The following HCK variants were observed in gnomAD, a reference collection of about 807,000 sequenced individuals.
HCK encodes tyrosine-protein kinase HCK.
In HCK, 40 loss-of-function variants were observed where a neutral mutation model predicts 70.4. The ratio of observed to expected loss-of-function variants is 0.57; its 90% CI spans 0.44 to 0.74. The LOEUF (loss-of-function observed/expected upper bound fraction) is 0.74. Ranked by LOEUF, HCK falls within the 30% of genes least tolerant of loss-of-function variation. HCK has a pLI of 0.00. For missense variants in HCK, 568 were observed against 697.2 expected, an observed-to-expected ratio of 0.81 and a Z score of 2.09; for synonymous variants, 245 against 263.2, an observed-to-expected ratio of 0.93 and a Z score of 0.67.
At chr20:32,053,351 G>C (rs561942274) in intron 1 of HCK, among the ~76,000 whole-genome samples, 1 of 152,004 alleles carries the variant, frequency 6.6e-6, no homozygotes, top group Non-Finnish European at 1.5e-5. Flanking sequence ...ATTGGGTACT[G>C]AAGGGGCCGG....
At chr20:32,061,768 C>T (rs971615973) in intron 1 of HCK, among the ~76,000 whole-genome samples, 1 of 151,904 alleles carries the variant, frequency 6.6e-6, no homozygotes, top group Non-Finnish European at 1.5e-5. Context: ...AAGGAGGGCT[C>T]CAGTGGAATG....
rs183465478 is a variant in HCK, at chr20:32,086,861, G to A, written c.1015+54G>A. ...GCTGTGGCCTATACTGGTCAATTGC[G>A]GGCCCAAGGGTGGCTTGGACATGGT... On this transcript the variant is annotated intron_variant, in intron 9 of 12. Coordinates refer to ENST00000375852, the MANE Select transcript of HCK (RefSeq NM_002110.5). The A allele has an allele frequency of 5.9e-4, 864 of 1,466,130 alleles. 8 individuals carry two copies. The Admixed American group carries it at 0.01, about 17-fold the overall frequency. 90.8% of individuals were successfully genotyped at this position (1,466,130 alleles called of 1,614,324 possible).
At position 32,086,649 on chromosome 20, in the gene HCK, A is replaced by T; in HGVS notation, c.857A>T (p.Lys286Met). Reference sequence around the variant, plus strand: ...CCAGCCACCTACAACAAGCACACCAAGGTGGCAGTGAAGACGATGAAGCCA... The same window carrying T: ...CCAGCCACCTACAACAAGCACACCATGGTGGCAGTGAAGACGATGAAGCCA... The change falls in exon 9 of 13, where the codon AAG becomes ATG. Residue 286 changes from lysine to methionine, a missense_variant. Around this residue, in one of 4 missense-constraint regions of HCK, gnomAD observed 160 missense variants for 237.5 expected, o/e 0.67. Transcript: ENST00000375852. 1.9e-6 allele frequency: 3 copies of T among 1,612,422 alleles called. No homozygotes were observed. The highest frequency in any genetic ancestry group is 2.5e-6 in the Non-Finnish European group (3 of 1,179,280).
intron 1 of HCK, among the ~76,000 whole-genome samples, chr20:32,059,009 G>T (rs1216076745): frequency 6.6e-6 from 1 of 152,214 alleles, no homozygotes; most frequent in Non-Finnish European, 1.5e-5. Context: ...GGCAGAGCAG[G>T]CACCAATAGC....
At chr20:32,073,908 T>C (rs2045583145) in intron 4 of HCK, 90 bp downstream of exon 4, 1 of 728,818 alleles carries the variant, frequency 1.4e-6, no homozygotes, top group Admixed American at 2.1e-5. Flanking sequence ...ACCTGATAGA[T>C]GGGCTATCTT....
chr20:32,086,732 C>A lies in HCK; in HGVS notation c.940C>A (p.His314Asn). 4 of 1,610,492 alleles carry A rather than the reference C, an allele frequency of 2.5e-6. No individual in the cohort carries two copies. The highest frequency in any genetic ancestry group is 3.4e-6 in the Non-Finnish European group (4 of 1,178,354). Residue 314 changes from histidine (H) to asparagine (N), a missense_variant, in exon 9 of 13, where the codon CAT becomes AAT. By Grantham distance (68) the His-to-Asn change is moderately conservative (BLOSUM62 1). Around this residue, in one of 4 missense-constraint regions of HCK, gnomAD observed 160 missense variants for 237.5 expected, o/e 0.67. Transcript: ENST00000375852. ...GGCCAACGTGATGAAAACTCTGCAGCATGACAAGCTGGTCAAACTTCATGC... is the reference window on the plus strand; with the variant it reads ...GGCCAACGTGATGAAAACTCTGCAGAATGACAAGCTGGTCAAACTTCATGC...
intron 2 of HCK, chr20:32,072,092 T>A: frequency 2.8e-6 from 1 of 361,954 alleles, no homozygotes; most frequent in Non-Finnish European, 5.0e-6. Flanking sequence ...GAGAAACGAG[T>A]GAACAGTAAT....
At chr20:32,084,243 C>A in intron 7 of HCK, 148 bp from the exon 8 acceptor site, 2 of 1,053,226 alleles carry the variant, frequency 1.9e-6, no homozygotes, top group African/African-American at 1.6e-5. Context: ...CACCCCGTCA[C>A]ACTCTGCTTG....
At chr20:32,085,103 C>T (rs980529238) in intron 8 of HCK, among the ~76,000 whole-genome samples, 3 of 152,216 alleles carry the variant, frequency 2.0e-5, no homozygotes, top group Non-Finnish European at 2.9e-5. Context: ...TGTGTTAATA[C>T]GTTCCAAATG....
chr20:32,058,033 C>T (rs897188130), intron 1 of HCK, among the ~76,000 whole-genome samples: 1 of 152,190 alleles, frequency 6.6e-6, no homozygotes, highest in Non-Finnish European at 1.5e-5. Flanking sequence ...TTCCAGGCAT[C>T]ACCCTGAAAT....
rs148691315 is a variant in HCK, at chr20:32,077,112, A to C, written c.428+2391A>C. On this transcript the variant is annotated intron_variant, in intron 5 of 12. Transcript: ENST00000375852. ...AAATAATAATAAAAATAACAAATGA[A>C]TACACATATGTGTCCTTTCAGGGCA... Among the ~76,000 whole-genome samples the C allele has an allele frequency of 2.4e-3, 369 of 152,224 alleles. 3 individuals are homozygous for C. Among genetic ancestry groups the C allele is most frequent in the Non-Finnish European group, 5.6e-4 (38 of 68,008 alleles).
chr20:32,069,585 C>A, intron 1 of HCK: 1 of 387,062 alleles, frequency 2.6e-6, no homozygotes, highest in Non-Finnish European at 5.1e-6. Context: ...GTTTTAAATG[C>A]ATGCAAGTAC....
intron 10 of HCK, among the ~76,000 whole-genome samples, chr20:32,089,348 A>C (rs946894066): frequency 2.0e-4 from 30 of 152,246 alleles, no homozygotes; most frequent in African/African-American, 7.0e-4. Context: ...TGAAGCATAG[A>C]GCAGAAGTAA....
intron 5 of HCK, among the ~76,000 whole-genome samples, chr20:32,075,998 T>A (rs2045618468): frequency 6.6e-6 from 1 of 152,192 alleles, no homozygotes; most frequent in African/African-American, 2.4e-5. Flanking sequence ...CTGTTAAAAA[T>A]GAAAACGCTT....
intron 1 of HCK, among the ~76,000 whole-genome samples, chr20:32,064,165 G>A (rs999785940): frequency 2.6e-4 from 39 of 151,822 alleles, no homozygotes; most frequent in East Asian, 1.9e-4. Flanking sequence ...CACCAAGCCC[G>A]GCTAATTTTT....
chr20:32,094,775 A>AAGAAAGAAAGAAAG (rs1569010068), intron 11 of HCK, among the ~76,000 whole-genome samples: 1 of 117,178 alleles, frequency 8.5e-6, no homozygotes, highest in African/African-American at 3.7e-5. Context: ...GAAAGAAAGA[A>AAGAAAGAAAGAAAG]AGAGAGAGAA....
At chr20:32,083,227 A>T (rs781342888) in intron 6 of HCK, among the ~76,000 whole-genome samples, 1 of 152,176 alleles carries the variant, frequency 6.6e-6, no homozygotes, top group Non-Finnish European at 1.5e-5. Context: ...TACCTGGATC[A>T]TCTGGAATAA....
intron 7 of HCK, 106 bp downstream of exon 7, chr20:32,084,149 C>T (rs1480468846): frequency 7.9e-7 from 1 of 1,262,076 alleles, no homozygotes; most frequent in Non-Finnish European, 1.1e-6. Flanking sequence ...CTTGGCCATC[C>T]CCTAGACAGA....
chr20:32,072,519 C>T (rs2045556641), intron 2 of HCK: 1 of 145,622 alleles, frequency 6.9e-6, no homozygotes, highest in Non-Finnish European at 1.5e-5. Context: ...TATGATCACG[C>T]CACTGCACTC....
Sources: allele counts gnomAD v4.1 joint callset (sites outside exome capture counted in the v4.1 genomes callset), GRCh38; gene constraint gnomAD v4.1.1; regional missense constraint gnomAD v4.1.1; transcripts MANE v1.5; gene names NCBI Gene and HGNC (gene_info 2026-07-23, HGNC 2026-07-21).